Variants in LRRC1 observed in about 807,000 individuals in gnomAD.
LRRC1 encodes the protein leucine-rich repeat-containing protein 1.
A neutral mutation model predicts 69.9 loss-of-function variants in LRRC1; 28 were observed. That is an observed-to-expected ratio of 0.40 (90% confidence interval 0.30 to 0.55). The LOEUF is 0.55. Among genes scored for constraint, LRRC1 ranks in the 20% least tolerant of loss-of-function variants. The pLI is 0.47. For synonymous variants in LRRC1, 236 were observed against 240.2 expected (o/e 0.98, Z 0.16); for missense variants, 498 against 609.0 (o/e 0.82, Z 1.92).
intron 12 of LRRC1, among the ~76,000 whole-genome samples, 187 bp downstream of exon 12, chr6:53,919,857 C>T (rs1051430870): frequency 5.3e-5 from 8 of 152,182 alleles, no homozygotes; most frequent in Non-Finnish European, 1.2e-4. Context: ...GAAGAAGGGC[C>T]ACTCCTATCT....
chr6:53,911,102 C>T (rs1183964524), intron 10 of LRRC1, among the ~76,000 whole-genome samples: 1 of 152,208 alleles, frequency 6.6e-6, no homozygotes, highest in Non-Finnish European at 1.5e-5. Flanking sequence ...CTTTGACAAC[C>T]CAGAGGGCCT....
intron 1 of LRRC1, among the ~76,000 whole-genome samples, chr6:53,827,310 C>CA (rs11387003): frequency 0.36 from 45,377 of 125,854 alleles, 8,491 homozygotes; most frequent in African/African-American, 0.54. Context: ...AACACTTCCA[C>CA]AAAAAAAAAA....
Position 53,795,230 on chromosome 6 carries a change from C to G in LRRC1, c.-27C>G, listed in dbSNP as rs1029580509. On this transcript the variant is annotated 5_prime_UTR_variant, in exon 1 of 14. Transcript: ENST00000370888. Reference sequence around the variant, plus strand: ...GAGCCCGGGTCTCCGCCGCTCGGGACCCGGCTAGGCGGCGGCGGGGGCGGC... The same window carrying G: ...GAGCCCGGGTCTCCGCCGCTCGGGAGCCGGCTAGGCGGCGGCGGGGGCGGC... 6.3e-7 allele frequency: 1 copy of G among 1,579,286 alleles called. No individual in the cohort carries two copies. The highest frequency in any genetic ancestry group is 2.3e-5 in the East Asian group (1 of 43,990).
chr6:53,864,198 T>C (rs935301768), intron 2 of LRRC1, among the ~76,000 whole-genome samples: 2 of 152,122 alleles, frequency 1.3e-5, no homozygotes, highest in African/African-American at 4.8e-5. Context: ...CTGGGACTAC[T>C]CCGCAGTTCT....
chr6:53,850,731 G>C (rs1176849029), intron 2 of LRRC1, among the ~76,000 whole-genome samples: 1 of 152,190 alleles, frequency 6.6e-6, no homozygotes, highest in Non-Finnish European at 1.5e-5. Context: ...TTTTATTGCT[G>C]TTCAGTTTAC....
At chr6:53,900,821 C>CT (rs1232079763) in intron 8 of LRRC1, among the ~76,000 whole-genome samples, 10 of 152,144 alleles carry the variant, frequency 6.6e-5, no homozygotes, top group Non-Finnish European at 1.5e-4. Flanking sequence ...TGTAGCAAAG[C>CT]CACTTTGAAG....
intron 12 of LRRC1, 91 bp from the exon 13 acceptor site, chr6:53,920,534 T>A: frequency 6.8e-7 from 1 of 1,466,198 alleles, no homozygotes; most frequent in Non-Finnish European, 9.5e-7. Flanking sequence ...TGGTCCTCCG[T>A]ATAGATTCTA....
chr6:53,910,328 T>C (rs1175764188), intron 10 of LRRC1, among the ~76,000 whole-genome samples: 1 of 152,198 alleles, frequency 6.6e-6, no homozygotes, highest in African/African-American at 2.4e-5. Context: ...TCCCAGAACT[T>C]CTAAGTGATA....
chr6:53,922,623 G>C lies in LRRC1; in HGVS notation c.1417-12G>C. ...ATAAAACCAAAACACTCACTCCACT[G>C]TTTGTTTTTAGAGAACACTTCTAAG... On this transcript the variant is annotated splice_polypyrimidine_tract_variant and intron_variant, in intron 13 of 13. Transcript: ENST00000370888. The C allele has an allele frequency of 6.2e-7, 1 of 1,602,630 alleles. No individual in the cohort carries two copies. The highest frequency in any genetic ancestry group is 8.5e-7 in the Non-Finnish European group (1 of 1,172,804).
rs562515403 is a variant in LRRC1, at chr6:53,878,906, A to G, written c.278-87A>G. On this transcript the variant is annotated intron_variant, in intron 2 of 13. Transcript: ENST00000370888. ...TGAATGGAGGTAGGAATTTCCAGAT[A>G]TTCTCTTGTGAGTGTGATCCATCTT... The G allele has an allele frequency of 7.2e-5, 52 of 722,686 alleles. No homozygotes were observed. The South Asian group carries it at 8.0e-4, about 11-fold the overall frequency. The allele number at this position is 722,686 out of a possible 1,614,324, so 44.8% of individuals were successfully genotyped here. A position where few individuals can be genotyped will look rare whatever the true frequency, so the allele number is the denominator to read the frequency against.
At chr6:53,917,124 T>C (rs1485078572) in intron 11 of LRRC1, among the ~76,000 whole-genome samples, 1 of 152,220 alleles carries the variant, frequency 6.6e-6, no homozygotes, top group African/African-American at 2.4e-5. Context: ...GTATTTCTCA[T>C]CATTTTCTGA....
At chr6:53,887,141 G>A (rs1357982069) in intron 4 of LRRC1, among the ~76,000 whole-genome samples, 1 of 151,948 alleles carries the variant, frequency 6.6e-6, no homozygotes, top group Admixed American at 6.6e-5. Context: ...TTGGCCTAAT[G>A]CGGCTGTACT....
intron 1 of LRRC1, among the ~76,000 whole-genome samples, chr6:53,831,317 A>C (rs929124591): frequency 3.9e-5 from 6 of 152,152 alleles, no homozygotes; most frequent in Non-Finnish European, 8.8e-5. Flanking sequence ...ATTGTTTGGA[A>C]TCCTGTGGGA....
At chr6:53,878,356 G>A (rs1767143806) in intron 2 of LRRC1, among the ~76,000 whole-genome samples, 1 of 152,142 alleles carries the variant, frequency 6.6e-6, no homozygotes, top group African/African-American at 2.4e-5. Flanking sequence ...TTATTACATT[G>A]TAATATATAA....
chr6:53,810,601 C>T (rs562456367), intron 1 of LRRC1, among the ~76,000 whole-genome samples: 1 of 151,182 alleles, frequency 6.6e-6, no homozygotes, highest in Non-Finnish European at 1.5e-5. Context: ...GCCTGGGCGA[C>T]AGAGCGAGAC....
intron 2 of LRRC1, among the ~76,000 whole-genome samples, chr6:53,846,100 G>A (rs907711472): frequency 6.6e-6 from 1 of 152,164 alleles, no homozygotes; most frequent in African/African-American, 2.4e-5. Context: ...CAGGTTTTGC[G>A]TTTCTCTTTA....
chr6:53,798,811 C>T (rs548992712), intron 1 of LRRC1, among the ~76,000 whole-genome samples: 1 of 152,242 alleles, frequency 6.6e-6, no homozygotes, highest in African/African-American at 2.4e-5. Flanking sequence ...TTTCTTTTCC[C>T]TTAAGCATAT....
At chr6:53,869,005 C>T (rs1766796097) in intron 2 of LRRC1, among the ~76,000 whole-genome samples, 2 of 152,146 alleles carry the variant, frequency 1.3e-5, no homozygotes, top group Admixed American at 1.3e-4. Context: ...AAATACTTGT[C>T]AATGATCTAT....
chr6:53,833,751 T>C (rs945247030), intron 1 of LRRC1, among the ~76,000 whole-genome samples: 5 of 152,194 alleles, frequency 3.3e-5, no homozygotes, highest in African/African-American at 9.6e-5. Context: ...ATTTGTCTTC[T>C]GGGCAAATAG....
Sources: gnomAD v4.1 joint callset for allele counts (sites outside exome capture counted in the v4.1 genomes callset) on GRCh38, gnomAD v4.1.1 for gene constraint, MANE v1.5 for transcripts, NCBI Gene and HGNC (gene_info 2026-07-23, HGNC 2026-07-21) for gene names.